The following NELL1 variants were observed in gnomAD, a reference collection of about 807,000 sequenced individuals.
The protein encoded by NELL1 is neural EGFL like 1, also known as protein kinase C-binding protein NELL1.
In NELL1, 76 loss-of-function variants were observed where a neutral mutation model predicts 107.4. The ratio of observed to expected loss-of-function variants is 0.71; its 90% CI spans 0.59 to 0.86. NELL1 has a LOEUF of 0.86. Ranked by LOEUF, NELL1 falls within the 40% of genes least tolerant of loss-of-function variation. The probability of loss-of-function intolerance (pLI) is 0.00; values close to 1 mark genes in which losing one functional copy is unlikely to be tolerated. For missense variants in NELL1, 1,024 were observed against 1,005.5 expected, an observed-to-expected ratio of 1.02 and a Z score of -0.25; for synonymous variants, 353 against 341.2, an observed-to-expected ratio of 1.03 and a Z score of -0.38.
rs368471379 is a variant in NELL1 at position 21,575,043 on chromosome 11, C to G, written c.*21C>G. The G allele has an allele frequency of 2.3e-5, 37 of 1,594,678 alleles. No homozygotes were observed. The highest frequency in any genetic ancestry group is 3.2e-5 in the Non-Finnish European group (37 of 1,163,562). ...ATTGAAGTATTTACAGTGGACTCAA[C>G]GCAGAAGAATGGACGAAATGACCAT... is the stretch of plus-strand genomic sequence containing the variant. On this transcript the variant is annotated 3_prime_UTR_variant, in exon 20 of 20. Transcript: ENST00000357134.
chr11:21,441,161 C>T (rs1286703443), intron 15 of NELL1, among the ~76,000 whole-genome samples: 3 of 152,114 alleles, frequency 2.0e-5, no homozygotes, highest in Non-Finnish European at 2.9e-5. Flanking sequence ...TTCTCCAGAA[C>T]ACAATTTGAT....
chr11:21,545,096 G>T (rs1046335821), intron 16 of NELL1, among the ~76,000 whole-genome samples: 2 of 152,070 alleles, frequency 1.3e-5, no homozygotes, highest in East Asian at 3.9e-4. Context: ...GTTTATTGAG[G>T]TATAGCTGGT....
At chr11:21,272,600 G>A (rs974954598) in intron 14 of NELL1, among the ~76,000 whole-genome samples, 2 of 152,232 alleles carry the variant, frequency 1.3e-5, no homozygotes, top group Non-Finnish European at 1.5e-5. Flanking sequence ...TGGACAGACT[G>A]CCTCCTCAAG....
chr11:20,984,624 C>T (rs1314151605), intron 12 of NELL1, among the ~76,000 whole-genome samples: 1 of 151,938 alleles, frequency 6.6e-6, no homozygotes, highest in Admixed American at 6.6e-5. Context: ...GCCTTTACGG[C>T]CATCTCCTCC....
At chr11:20,851,316 G>T (rs17232841) in intron 4 of NELL1, among the ~76,000 whole-genome samples, 4,525 of 152,200 alleles carry the variant, frequency 0.03, 86 homozygotes, top group Middle Eastern at 0.054. Context: ...TGCTTGCTAC[G>T]GAGACACTTT....
intron 3 of NELL1, among the ~76,000 whole-genome samples, chr11:20,842,091 C>G (rs755390481): frequency 5.3e-5 from 8 of 152,106 alleles, no homozygotes; most frequent in African/African-American, 9.7e-5. Flanking sequence ...GGAGCTTCAG[C>G]ATGGGCTGGG....
At chr11:21,246,885 G>A (rs1218423289) in intron 14 of NELL1, among the ~76,000 whole-genome samples, 1 of 152,156 alleles carries the variant, frequency 6.6e-6, no homozygotes, top group African/African-American at 2.4e-5. Context: ...ATCAGCTCTT[G>A]CGAGATTTAT....
At chr11:20,970,941 A>G (rs1386797194) in intron 12 of NELL1, among the ~76,000 whole-genome samples, 1 of 152,196 alleles carries the variant, frequency 6.6e-6, no homozygotes. Context: ...TGTTGTCTCG[A>G]TGAATTTTCA....
At chr11:20,728,855 T>C (rs1855566445) in intron 2 of NELL1, among the ~76,000 whole-genome samples, 1 of 152,152 alleles carries the variant, frequency 6.6e-6, no homozygotes, top group Non-Finnish European at 1.5e-5. Context: ...TGACATTGGT[T>C]ATTTGATATG....
At chr11:20,986,073 C>T (rs1310639568) in intron 12 of NELL1, among the ~76,000 whole-genome samples, 1 of 151,998 alleles carries the variant, frequency 6.6e-6, no homozygotes, top group African/African-American at 2.4e-5. Context: ...TTTTGGCTCA[C>T]AGGCACTTTG....
intron 12 of NELL1, among the ~76,000 whole-genome samples, chr11:21,013,902 A>G (rs530791517): frequency 5.6e-4 from 85 of 152,132 alleles, no homozygotes; most frequent in Non-Finnish European, 9.3e-4. Flanking sequence ...GATTTTGACA[A>G]TATTGAAGAG....
intron 14 of NELL1, among the ~76,000 whole-genome samples, chr11:21,321,513 T>C (rs1850010448): frequency 6.6e-6 from 1 of 152,320 alleles, no homozygotes; most frequent in African/African-American, 2.4e-5. Flanking sequence ...AGAGTTCTAC[T>C]GGTTAAAAGT....
chr11:20,879,935 A>G (rs1849376835), intron 4 of NELL1, among the ~76,000 whole-genome samples: 2 of 152,152 alleles, frequency 1.3e-5, no homozygotes, highest in Non-Finnish European at 2.9e-5. Flanking sequence ...TTTATCGAAA[A>G]ATTCTGTTTT....
At chr11:20,805,738 G>A (rs112165483) in intron 3 of NELL1, among the ~76,000 whole-genome samples, 3,044 of 152,210 alleles carry the variant, frequency 0.02, 102 homozygotes, top group African/African-American at 0.069. Context: ...TCCTGACCTC[G>A]TGATCCACCT....
chr11:21,181,340 A>G (rs67194502), intron 13 of NELL1, among the ~76,000 whole-genome samples: 14,272 of 151,958 alleles, frequency 0.094, 816 homozygotes, highest in Non-Finnish European at 0.11. Flanking sequence ...GCACCAACCT[A>G]TAATACAAAG....
chr11:20,969,288 A>T (rs907136558), intron 12 of NELL1, among the ~76,000 whole-genome samples: 6 of 152,134 alleles, frequency 3.9e-5, no homozygotes, highest in African/African-American at 1.4e-4. Flanking sequence ...TTTCTCTCCA[A>T]GCAAAATTCA....
intron 12 of NELL1, among the ~76,000 whole-genome samples, chr11:21,011,337 G>T (rs1015080566): frequency 6.6e-6 from 1 of 152,000 alleles, no homozygotes. Flanking sequence ...TGGCATTAGG[G>T]GTGCAAAATA....
chr11:20,918,333 C>A, intron 6 of NELL1, 79 bp downstream of exon 6: 3 of 875,476 alleles, frequency 3.4e-6, no homozygotes, highest in Non-Finnish European at 5.7e-6. Flanking sequence ...GAAAGATAGA[C>A]CCAAATTGTT....
chr11:21,208,676 G>A (rs1311000173), intron 13 of NELL1, among the ~76,000 whole-genome samples: 4 of 152,042 alleles, frequency 2.6e-5, no homozygotes, highest in African/African-American at 2.4e-5. Context: ...TGTTACTGGG[G>A]CAGAGTTAAT....
Sources: gnomAD v4.1 joint callset for allele counts (sites outside exome capture counted in the v4.1 genomes callset) on GRCh38, gnomAD v4.1.1 for gene constraint, MANE v1.5 for transcripts, NCBI Gene and HGNC (gene_info 2026-07-23, HGNC 2026-07-21) for gene names.